GRM8: variants seen among roughly 807,000 people sequenced by gnomAD.
The protein encoded by GRM8 is glutamate metabotropic receptor 8.
A neutral mutation model predicts 87.2 loss-of-function variants in GRM8; 47 were observed. That is an observed-to-expected ratio of 0.54 (90% CI 0.43 to 0.69). GRM8 has a LOEUF of 0.69. Among genes scored for constraint, GRM8 ranks in the 30% least tolerant of loss-of-function variants. The pLI is 0.00. For synonymous variants in GRM8, 396 were observed against 404.5 expected (o/e 0.98, Z 0.25); for missense variants, 1,019 against 1,139.2 (o/e 0.89, Z 1.52).
At chr7:127,230,829 G>GGCTATTGTT (rs1797643864) in intron 2 of GRM8, among the ~76,000 whole-genome samples, 3 of 152,216 alleles carry the variant, frequency 2.0e-5, no homozygotes, top group Admixed American at 2.0e-4. Flanking sequence ...GGGAAAAAAA[G>GGCTATTGTT]GCTATTGTTT....
intron 3 of GRM8, among the ~76,000 whole-genome samples, chr7:126,985,409 T>C (rs888778345): frequency 7.2e-5 from 11 of 152,182 alleles, no homozygotes; most frequent in Non-Finnish European, 1.6e-4. Context: ...TTTATTATGA[T>C]CTCAAACTAA....
At chr7:126,924,603 C>A (rs1277947458) in intron 3 of GRM8, among the ~76,000 whole-genome samples, 1 of 152,080 alleles carries the variant, frequency 6.6e-6, no homozygotes, top group Non-Finnish European at 1.5e-5. Context: ...CCTTTTCTTT[C>A]CTTCCTTTTT....
chr7:127,105,052 T>C (rs541778221), intron 3 of GRM8, among the ~76,000 whole-genome samples: 1 of 152,328 alleles, frequency 6.6e-6, no homozygotes, highest in African/African-American at 2.4e-5. Context: ...TTTCTCCTCT[T>C]GCTAAATTAT....
At chr7:126,801,043 A>G (rs949404450) in intron 6 of GRM8, among the ~76,000 whole-genome samples, 1 of 152,126 alleles carries the variant, frequency 6.6e-6, no homozygotes, top group African/African-American at 2.4e-5. Flanking sequence ...TAAATGGCCA[A>G]GCTTATAAAT....
chr7:126,734,602 CA>C (rs1192614551), intron 7 of GRM8, among the ~76,000 whole-genome samples: 1 of 151,334 alleles, frequency 6.6e-6, no homozygotes, highest in Non-Finnish European at 1.5e-5. Context: ...ATCAAAAACT[CA>C]AAAAATTAGA....
At chr7:126,517,598 T>A (rs1360541728) in intron 9 of GRM8, among the ~76,000 whole-genome samples, 2 of 152,142 alleles carry the variant, frequency 1.3e-5, no homozygotes, top group East Asian at 3.9e-4. Context: ...CAGTGTAAAG[T>A]TTGTAACTAT....
At chr7:126,915,961 T>G (rs1803853743) in intron 3 of GRM8, among the ~76,000 whole-genome samples, 1 of 152,232 alleles carries the variant, frequency 6.6e-6, no homozygotes, top group Non-Finnish European at 1.5e-5. Context: ...GTGAGTGATT[T>G]GTGATCTTTA....
intron 2 of GRM8, among the ~76,000 whole-genome samples, chr7:127,116,807 G>A (rs1826725586): frequency 1.3e-5 from 2 of 152,146 alleles, no homozygotes; most frequent in South Asian, 4.1e-4. Context: ...ACTTGCCACA[G>A]GCTGAAAAAT....
chr7:127,195,795 T>C (rs1795248589), intron 2 of GRM8, among the ~76,000 whole-genome samples: 1 of 152,170 alleles, frequency 6.6e-6, no homozygotes, highest in African/African-American at 2.4e-5. Context: ...CCTGCCACTG[T>C]TTTGGGGCTA....
At chr7:126,968,861 G>A (rs1458492954) in intron 3 of GRM8, among the ~76,000 whole-genome samples, 1 of 152,142 alleles carries the variant, frequency 6.6e-6, no homozygotes, top group Non-Finnish European at 1.5e-5. Context: ...GAATGCATAT[G>A]TTAAATAGCT....
At chr7:126,739,528 T>A (rs138180081) in intron 7 of GRM8, among the ~76,000 whole-genome samples, 1,679 of 152,232 alleles carry the variant, frequency 0.011, 17 homozygotes, top group Non-Finnish European at 0.013. Context: ...CGGTGTTACG[T>A]TTAGTTACCT....
At chr7:126,920,753 A>G (rs1318646931) in intron 3 of GRM8, among the ~76,000 whole-genome samples, 1 of 152,122 alleles carries the variant, frequency 6.6e-6, no homozygotes, top group Admixed American at 6.6e-5. Context: ...AAAAGTCTGC[A>G]TGCTGAATGG....
In GRM8 at chr7:126,812,768, T is replaced by A. The variant is rs1246525442; in HGVS notation, c.1157-42703A>T. On this transcript the variant is annotated intron_variant, in intron 6 of 10. Transcript: ENST00000339582. ...GTATTATGCTTACTAGAGCTTACAA[T>A]CTAACAAAACCCTAGAAAGTAAACA... Among the ~76,000 whole-genome samples, 8 of 151,942 alleles carry A rather than the reference T, an allele frequency of 5.3e-5. No individual in the cohort carries two copies. In the East Asian group the frequency reaches 1.5e-3, roughly 29 times the overall value.
chr7:127,037,652 G>C (rs1484239300), intron 3 of GRM8, among the ~76,000 whole-genome samples: 2 of 152,198 alleles, frequency 1.3e-5, no homozygotes, highest in Non-Finnish European at 2.9e-5. Flanking sequence ...AGGATAGAGG[G>C]AGCAAGGAGT....
Position 126,713,865 on chromosome 7 carries a change from AC to A in GRM8, c.1357+55999del, listed in dbSNP as rs766402631. 2.0e-5 allele frequency among the ~76,000 whole-genome samples: 3 copies of A among 152,156 alleles called. No individual in the cohort carries two copies. In the East Asian group the frequency reaches 5.8e-4, roughly 29 times the overall value. ...TGTATATCTAATCATCACATTGTAC[AC>A]ATTGTACACCTTGAATATATTCAAT... On this transcript the variant is annotated intron_variant, in intron 7 of 10. Transcript: ENST00000339582.
intron 3 of GRM8, among the ~76,000 whole-genome samples, chr7:126,950,782 A>G (rs1479668946): frequency 1.3e-5 from 2 of 152,116 alleles, no homozygotes; most frequent in Non-Finnish European, 2.9e-5. Context: ...ATGTTAAATA[A>G]CTTACCCAAA....
rs1802006914 is a variant in GRM8 at position 126,446,247 on chromosome 7, G to A, written c.2556C>T (p.Arg852=). ...IFHPEQNVQK[R]KRSFKAVVTA... is the part of the protein sequence containing the mutation. ...TCACCACAGCCTTGAAGCTCCTCTT[G>A]CGTTTTTGAACATTCTGTTCTGGAT... The change falls in exon 10 of 11, where the codon CGC becomes CGT. Residue 852 remains arginine, a synonymous_variant. Transcript: ENST00000339582. 4 of 1,612,848 alleles carry A rather than the reference G, an allele frequency of 2.5e-6. No homozygotes were observed. In the East Asian group the frequency reaches 8.9e-5, roughly 36 times the overall value.
chr7:126,821,006 G>T (rs998987477), intron 6 of GRM8, among the ~76,000 whole-genome samples: 1 of 152,206 alleles, frequency 6.6e-6, no homozygotes. Context: ...GGAGGCTGAG[G>T]CAGAAGAACT....
intron 3 of GRM8, among the ~76,000 whole-genome samples, chr7:127,102,846 T>A (rs1443502862): frequency 2.0e-5 from 3 of 152,090 alleles, no homozygotes; most frequent in Admixed American, 1.3e-4. Context: ...ATGGAGCTGT[T>A]AGAAAGAGGC....
Sources: allele counts gnomAD v4.1 joint callset (sites outside exome capture counted in the v4.1 genomes callset), GRCh38; gene constraint gnomAD v4.1.1; transcripts MANE v1.5; gene names NCBI Gene and HGNC (gene_info 2026-07-23, HGNC 2026-07-21).